DUSP16: variants seen among roughly 807,000 people sequenced by gnomAD.
DUSP16 encodes the protein dual specificity protein phosphatase 16.
In DUSP16, 21 loss-of-function variants were observed where a neutral mutation model predicts 58.3. The observed-to-expected ratio is 0.36, with a 90% confidence interval of 0.26 to 0.52. The LOEUF is 0.52. Ranked by LOEUF, DUSP16 falls within the 20% of genes least tolerant of loss-of-function variation. DUSP16 has a pLI of 0.94. For missense variants in DUSP16, 726 were observed against 819.0 expected, an observed-to-expected ratio of 0.89 and a Z score of 1.39; for synonymous variants, 320 against 323.8, an observed-to-expected ratio of 0.99 and a Z score of 0.12.
intron 1 of DUSP16, among the ~76,000 whole-genome samples, chr12:12,541,204 T>C (rs1477285043): frequency 6.6e-6 from 1 of 151,994 alleles, no homozygotes; most frequent in Non-Finnish European, 1.5e-5. Flanking sequence ...AGCAATTGAC[T>C]CACCTCAGTC....
chr12:12,504,882 AATAC>A (rs1251774724), intron 3 of DUSP16, among the ~76,000 whole-genome samples: 1 of 152,128 alleles, frequency 6.6e-6, no homozygotes, highest in Non-Finnish European at 1.5e-5. Context: ...GTCTCAAAAA[AATAC>A]ATACATACAT....
chr12:12,485,405 A>T (rs954191515), intron 5 of DUSP16: 1 of 152,186 alleles, frequency 6.6e-6, no homozygotes. Flanking sequence ...CAACCTGGAA[A>T]TCTTGAAAAA....
In DUSP16 at chr12:12,477,089, G is replaced by A; in HGVS notation, c.1742C>T (p.Ala581Val). The A allele has an allele frequency of 6.2e-7, 1 of 1,614,270 alleles. No homozygotes were observed. Among genetic ancestry groups the A allele is most frequent in the Non-Finnish European group, 8.5e-7 (1 of 1,180,050 alleles). ...AIYGGSASYS[A>V]YSCSQLPTCG... is the part of the protein sequence containing the mutation. ...AGTGGGCAGCTGGCTGCAGCTGTAG[G>A]CAGAGTAACTGGCACTGCCTCCGTA... is the stretch of plus-strand genomic sequence containing the variant. Residue 581 changes from alanine to valine, a missense_variant, in exon 7 of 7, where the codon GCC becomes GTC. By Grantham distance (64) the Ala-to-Val change is moderately conservative. Transcript: ENST00000298573. The surrounding 1 kb of genome is among the most constrained non-coding windows in gnomAD (Gnocchi z 4.1).
At chr12:12,538,050 T>C (rs1186299706) in intron 1 of DUSP16, among the ~76,000 whole-genome samples, 2 of 152,180 alleles carry the variant, frequency 1.3e-5, no homozygotes, top group Admixed American at 6.5e-5. Context: ...CCTCTGGAGA[T>C]TGATTCGTGG....
In DUSP16 at chr12:12,498,891, C is replaced by T. The variant is rs75045299; in HGVS notation, c.531+1628G>A. On this transcript the variant is annotated intron_variant, in intron 4 of 6. Transcript: ENST00000298573. ...CTATAAACTTCCACAAACCCATTCTCCCCACTGCAAATATTTCCTCTCGAT... is the reference window on the plus strand; with the variant it reads ...CTATAAACTTCCACAAACCCATTCTTCCCACTGCAAATATTTCCTCTCGAT... 8.5e-3 allele frequency among the ~76,000 whole-genome samples: 1,297 copies of T among 152,228 alleles called. 23 individuals carry two copies. Among genetic ancestry groups the T allele is most frequent in the African/African-American group, 0.029 (1,213 of 41,528 alleles).
At position 12,497,667 on chromosome 12, in the gene DUSP16, T is replaced by TAAA. The variant is rs58191075; in HGVS notation, c.531+2849_531+2851dup. On this transcript the variant is annotated intron_variant, in intron 4 of 6. Coordinates refer to ENST00000298573, the MANE Select transcript of DUSP16 (RefSeq NM_030640.3). ...TAACATATTTTGGTGGCACTTCATTTAAAAAAAAAAAAAAGACTAATAGGC... is the reference window on the plus strand; with the variant it reads ...TAACATATTTTGGTGGCACTTCATTTAAAAAAAAAAAAAAAAAGACTAATAGGC... Among the ~76,000 whole-genome samples, 38 of 145,640 alleles carry TAAA rather than the reference T, an allele frequency of 2.6e-4. No homozygotes were observed. The East Asian group carries it at 5.4e-3, about 21-fold the overall frequency.
chr12:12,528,890 T>A (rs1023416916), intron 1 of DUSP16, among the ~76,000 whole-genome samples: 10 of 152,006 alleles, frequency 6.6e-5, no homozygotes, highest in African/African-American at 2.4e-4. Context: ...AACAGAGTAG[T>A]CACAGAAGGC....
chr12:12,497,193 A>G (rs2136208310), intron 4 of DUSP16, among the ~76,000 whole-genome samples: 1 of 152,360 alleles, frequency 6.6e-6, no homozygotes, highest in Non-Finnish European at 1.5e-5. Flanking sequence ...TTTAAACATT[A>G]AAATTAGTTT....
intron 5 of DUSP16, among the ~76,000 whole-genome samples, chr12:12,482,144 T>G (rs1305606290): frequency 6.6e-6 from 1 of 152,218 alleles, no homozygotes; most frequent in African/African-American, 2.4e-5. Context: ...TTAATAATTA[T>G]CTATCTCAAA....
At chr12:12,546,079 T>C (rs1944637507) in intron 1 of DUSP16, among the ~76,000 whole-genome samples, 1 of 152,254 alleles carries the variant, frequency 6.6e-6, no homozygotes, top group African/African-American at 2.4e-5. Context: ...AAATAAGTTA[T>C]ATTTCCCATG....
At chr12:12,500,987 T>A (rs1400074052) in intron 3 of DUSP16, among the ~76,000 whole-genome samples, 1 of 152,140 alleles carries the variant, frequency 6.6e-6, no homozygotes, top group African/African-American at 2.4e-5. Flanking sequence ...ATGCAAATGT[T>A]TTTTTTTGTA....
chr12:12,525,169 G>C (rs1592194321), intron 1 of DUSP16, among the ~76,000 whole-genome samples: 1 of 151,896 alleles, frequency 6.6e-6, no homozygotes, highest in Non-Finnish European at 1.5e-5. Flanking sequence ...TACAGTACTT[G>C]AATCTCATTT....
At chr12:12,543,007 C>T (rs1944588951) in intron 1 of DUSP16, among the ~76,000 whole-genome samples, 1 of 152,124 alleles carries the variant, frequency 6.6e-6, no homozygotes. Context: ...AGAGGGCCCT[C>T]ACCAGAACCA....
At chr12:12,539,649 C>T (rs1264483736) in intron 1 of DUSP16, among the ~76,000 whole-genome samples, 2 of 151,572 alleles carry the variant, frequency 1.3e-5, no homozygotes, top group African/African-American at 2.4e-5. Flanking sequence ...TAAAACTTCA[C>T]TTAGGATGAT....
At chr12:12,507,680 G>A (rs751691965) in intron 3 of DUSP16, among the ~76,000 whole-genome samples, 15 of 152,166 alleles carry the variant, frequency 9.9e-5, no homozygotes, top group Non-Finnish European at 2.1e-4. Context: ...TGCGATCTCC[G>A]CTCACCGCAA....
chr12:12,480,862 G>A (rs569994235), intron 5 of DUSP16, among the ~76,000 whole-genome samples: 1 of 152,144 alleles, frequency 6.6e-6, no homozygotes, highest in Non-Finnish European at 1.5e-5. Context: ...GGGATTACAG[G>A]TGTGCAGCAC....
intron 5 of DUSP16, among the ~76,000 whole-genome samples, chr12:12,482,337 T>C (rs1471394364): frequency 1.3e-5 from 2 of 152,222 alleles, no homozygotes; most frequent in Non-Finnish European, 2.9e-5. Context: ...TGCGTTACGA[T>C]GTTGAGGTTA....
Position 12,476,704 on chromosome 12 carries a change from G to T in DUSP16, c.*129C>A. On this transcript the variant is annotated 3_prime_UTR_variant, in exon 7 of 7. Coordinates refer to ENST00000298573, the MANE Select transcript of DUSP16 (RefSeq NM_030640.3). ...TAACAACTGGGTTGATCCACCTGTT[G>T]CTTTTACACCATAGCTCCATTTTCC... is the stretch of plus-strand genomic sequence containing the variant. 1 of 756,610 alleles carries T rather than the reference G, an allele frequency of 1.3e-6. No homozygotes were observed. Among genetic ancestry groups the T allele is most frequent in the Non-Finnish European group, 2.1e-6 (1 of 482,684 alleles). 46.9% of individuals were successfully genotyped at this position (756,610 alleles called of 1,614,324 possible). A position where few individuals can be genotyped will look rare whatever the true frequency, so the allele number is the denominator to read the frequency against.
chr12:12,497,667 TAAA>T (rs58191075), intron 4 of DUSP16, among the ~76,000 whole-genome samples: 1 of 145,586 alleles, frequency 6.9e-6, no homozygotes, highest in Non-Finnish European at 1.5e-5. Flanking sequence ...GCACTTCATT[TAAA>T]AAAAAAAAAA....
Sources: allele counts gnomAD v4.1 joint callset (sites outside exome capture counted in the v4.1 genomes callset), GRCh38; gene constraint gnomAD v4.1.1; non-coding constraint Gnocchi (gnomAD v3.1); transcripts MANE v1.5; gene names NCBI Gene and HGNC (gene_info 2026-07-23, HGNC 2026-07-21).